The following FAM193A variants were observed in gnomAD, a reference collection of about 807,000 sequenced individuals.
The protein encoded by FAM193A is family with sequence similarity 193 member A, also known as protein FAM193A.
A neutral mutation model predicts 126.5 loss-of-function variants in FAM193A; 22 were observed. The ratio of observed to expected loss-of-function variants is 0.17; its 90% CI spans 0.12 to 0.25. The LOEUF is 0.25. Ranked by LOEUF, FAM193A falls within the 10% of genes least tolerant of loss-of-function variation. The probability of loss-of-function intolerance (pLI) is 1.00; values close to 1 mark genes in which losing one functional copy is unlikely to be tolerated. For synonymous variants in FAM193A, 761 were observed against 646.8 expected, an observed-to-expected ratio of 1.18 and a Z score of -2.68; for missense variants, 1,675 against 1,672.8, an observed-to-expected ratio of 1.00 and a Z score of -0.02.
chr4:2,637,268 A>G (rs1257680667), intron 5 of FAM193A, among the ~76,000 whole-genome samples: 2 of 152,204 alleles, frequency 1.3e-5, no homozygotes, highest in Non-Finnish European at 2.9e-5. Context: ...CGGAGGTTGC[A>G]GTGAGCCAAG....
intron 12 of FAM193A, among the ~76,000 whole-genome samples, chr4:2,669,601 C>A (rs1713556979): frequency 6.6e-6 from 1 of 152,094 alleles, no homozygotes; most frequent in African/African-American, 2.4e-5. Flanking sequence ...AAGTGAGACT[C>A]CGTCTCAACA....
In FAM193A at chr4:2,696,695, G is replaced by T. The variant is rs231712; in HGVS notation, c.3507+102G>T. On this transcript the variant is annotated intron_variant, in intron 18 of 20. Coordinates refer to ENST00000637812, the MANE Select transcript of FAM193A (RefSeq NM_001366318.2). ...GCAGGGCTGAGCCACAGGAGGTCGG[G>T]GCTCTGACGTGTGTTCACTTGCCCA... 0.012 allele frequency: 9,982 copies of T among 837,610 alleles called. 677 individuals are homozygous for T. In the African/African-American group the frequency reaches 0.15, roughly 13 times the overall value. The allele number at this position is 837,610 out of a possible 1,614,324, so 51.9% of individuals were successfully genotyped here.
intron 5 of FAM193A, 94 bp from the exon 6 acceptor site, chr4:2,639,641 G>T: frequency 1.1e-6 from 1 of 933,596 alleles, no homozygotes; most frequent in Non-Finnish European, 1.6e-6. Context: ...GTGGTGGGGG[G>T]AAATGGGGAG....
In FAM193A at chr4:2,725,992, A is replaced by G. The variant is rs552638939; in HGVS notation, c.4455-5783A>G. ...CGGCTCACTGCAAGCTCCGCCTCCC[A>G]AGTTCACGCCATTCTCCTGCCTCAG... is the stretch of plus-strand genomic sequence containing the variant. On this transcript the variant is annotated intron_variant, in intron 20 of 20. Transcript: ENST00000637812. 7.9e-5 allele frequency among the ~76,000 whole-genome samples: 12 copies of G among 152,146 alleles called. No individual in the cohort carries two copies. In the East Asian group the frequency reaches 2.3e-3, roughly 29 times the overall value.
chr4:2,601,889 A>G (rs937077099), intron 2 of FAM193A, among the ~76,000 whole-genome samples: 6 of 151,984 alleles, frequency 3.9e-5, no homozygotes, highest in African/African-American at 1.5e-4. Flanking sequence ...CCCAGGCCGG[A>G]ATGCAGTGGC....
intron 1 of FAM193A, among the ~76,000 whole-genome samples, chr4:2,553,502 C>A (rs919121000): frequency 6.6e-6 from 1 of 150,694 alleles, no homozygotes; most frequent in African/African-American, 2.4e-5. Context: ...TGCCTCAGCC[C>A]CCTGAGTAGC....
rs770205348 is a variant in FAM193A at position 2,696,686 on chromosome 4, G to A, written c.3507+93G>A. 1.8e-4 allele frequency: 170 copies of A among 925,606 alleles called. 1 individual carries two copies. The highest frequency in any genetic ancestry group is 4.8e-4 in the Middle Eastern group (2 of 4,160). 57.3% of individuals were successfully genotyped at this position (925,606 alleles called of 1,614,324 possible). On this transcript the variant is annotated intron_variant, in intron 18 of 20. Coordinates refer to ENST00000637812, the MANE Select transcript of FAM193A (RefSeq NM_001366318.2). ...AGTCTCTAGGCAGGGCTGAGCCACA[G>A]GAGGTCGGGGCTCTGACGTGTGTTC...
chr4:2,553,826 C>T (rs1045762539), intron 1 of FAM193A, among the ~76,000 whole-genome samples: 2 of 151,960 alleles, frequency 1.3e-5, no homozygotes, highest in Non-Finnish European at 2.9e-5. Flanking sequence ...TGCTGTTCTC[C>T]GTGATGGTAA....
chr4:2,612,021 A>G, intron 2 of FAM193A, among the ~76,000 whole-genome samples: 1 of 151,698 alleles, frequency 6.6e-6, no homozygotes, highest in South Asian at 2.1e-4. Context: ...TATTTTTAGT[A>G]GAGACAGGAT....
intron 15 of FAM193A, among the ~76,000 whole-genome samples, chr4:2,692,637 A>G (rs1399914701): frequency 6.6e-6 from 1 of 152,210 alleles, no homozygotes; most frequent in Non-Finnish European, 1.5e-5. Flanking sequence ...AGACAAGACA[A>G]ATCCAAATTG....
intron 1 of FAM193A, among the ~76,000 whole-genome samples, chr4:2,587,903 GTGA>G (rs1162733960): frequency 6.6e-6 from 1 of 152,140 alleles, no homozygotes; most frequent in Non-Finnish European, 1.5e-5. Context: ...GAAAGAGAAA[GTGA>G]TGATATGAGA....
At chr4:2,546,147 CA>C (rs1208023730) in intron 1 of FAM193A, among the ~76,000 whole-genome samples, 178 of 138,914 alleles carry the variant, frequency 1.3e-3, no homozygotes, top group African/African-American at 3.2e-3. Context: ...GACTCCGCCT[CA>C]AAAAAAAAAA....
Position 2,699,702 on chromosome 4 carries a change from A to C in FAM193A, c.3530A>C (p.Glu1177Ala), listed in dbSNP as rs777696202. The change falls in exon 19 of 21, where the codon GAA becomes GCA. Residue 1177 changes from glutamate to alanine, a missense_variant. Coordinates refer to ENST00000637812, the MANE Select transcript of FAM193A (RefSeq NM_001366318.2). ...QRKLEEKARL[E>A]AEARAREHLH... ...CAGCTGGAGGAGAAAGCTCGCCTAG[A>C]AGCAGAGGCCAGGGCCCGGGAGCAC... 4.4e-6 allele frequency: 7 copies of C among 1,606,402 alleles called. No homozygotes were observed. In the Admixed American group the frequency reaches 1.2e-4, roughly 28 times the overall value.
chr4:2,590,506 C>CAAACAAACA (rs1560464715), intron 1 of FAM193A, among the ~76,000 whole-genome samples: 4 of 33,218 alleles, frequency 1.2e-4, no homozygotes, highest in African/African-American at 7.4e-4. Context: ...CAAAAAAAAA[C>CAAACAAACA]AAAAAAAAAA....
intron 13 of FAM193A, among the ~76,000 whole-genome samples, chr4:2,683,010 A>G (rs1171542294): frequency 6.6e-6 from 1 of 152,184 alleles, no homozygotes; most frequent in East Asian, 1.9e-4. Context: ...CATTTCTTGC[A>G]GGGCAGGTCT....
rs554244619 is a variant in FAM193A at position 2,678,334 on chromosome 4, G to A, written c.2331+5962G>A. 3.6e-5 allele frequency among the ~76,000 whole-genome samples: 5 copies of A among 140,718 alleles called. No homozygotes were observed. In the South Asian group the frequency reaches 7.1e-4, roughly 20 times the overall value. The allele number at this position is 140,718 out of a possible 152,430, so 92.3% of individuals were successfully genotyped here. On this transcript the variant is annotated intron_variant, in intron 13 of 20. Coordinates refer to ENST00000637812, the MANE Select transcript of FAM193A (RefSeq NM_001366318.2). The stretch of plus-strand genomic sequence containing the variant: ...TCTTCCACTTCTTTGGTTAATTCCC[G>A]TTGGTGTTTTGTTTTGGTTTTGGTG...
chr4:2,644,851 T>C (rs1744972676), intron 6 of FAM193A, among the ~76,000 whole-genome samples: 1 of 152,204 alleles, frequency 6.6e-6, no homozygotes, highest in South Asian at 2.1e-4. Context: ...AGATTGTCAT[T>C]ACAAATAAAA....
At chr4:2,652,967 G>A (rs377708927) in intron 7 of FAM193A, among the ~76,000 whole-genome samples, 5 of 152,208 alleles carry the variant, frequency 3.3e-5, no homozygotes, top group South Asian at 4.1e-4. Context: ...ATGACAGGAG[G>A]CTCCCGAGGG....
At position 2,659,652 on chromosome 4, in the gene FAM193A, A is replaced by G. The variant is rs777842636; in HGVS notation, c.1484A>G (p.Asn495Ser). The G allele has an allele frequency of 2.5e-6, 4 of 1,613,898 alleles. No individual in the cohort carries two copies. Among genetic ancestry groups the G allele is most frequent in the Admixed American group, 1.7e-5 (1 of 59,998 alleles). The change falls in exon 9 of 21, where the codon AAC (asparagine) becomes AGC (serine). Residue 495 changes from asparagine to serine, a missense_variant. Around this residue, in one of 4 missense-constraint regions of FAM193A, gnomAD observed 1,186 missense variants for 1,109.2 expected, o/e 1.07. Transcript: ENST00000637812. ...CGGCTGAGCATGCCCGACTGCCCCA[A>G]CTGCAACTACAGGAGAAGGTAAGGC... The part of the protein sequence containing the change: ...SSRLSMPDCP[N>S]CNYRRRCACD...
Sources: gnomAD v4.1 joint callset for allele counts (sites outside exome capture counted in the v4.1 genomes callset) on GRCh38, gnomAD v4.1.1 for gene constraint, gnomAD v4.1.1 regional missense constraint, MANE v1.5 for transcripts, NCBI Gene and HGNC (gene_info 2026-07-23, HGNC 2026-07-21) for gene names.